ITGA6: variants seen among roughly 807,000 people sequenced by gnomAD.
The protein encoded by ITGA6 is integrin subunit alpha 6, also known as integrin alpha-6.
A neutral mutation model predicts 133.6 loss-of-function variants in ITGA6; 63 were observed. The ratio of observed to expected loss-of-function variants is 0.47; its 90% CI spans 0.38 to 0.58. The LOEUF is 0.58. ITGA6 is among the 20% of genes least tolerant of loss of function. ITGA6 has a pLI of 0.00. For synonymous variants in ITGA6, 434 were observed against 482.0 expected (o/e 0.90, Z 1.30); for missense variants, 1,068 against 1,309.4 (o/e 0.82, Z 2.85).
intron 24 of ITGA6, among the ~76,000 whole-genome samples, chr2:172,500,525 G>A (rs1357685119): frequency 6.6e-6 from 1 of 152,206 alleles, no homozygotes; most frequent in Non-Finnish European, 1.5e-5. Flanking sequence ...AGCTACTAGG[G>A]AGGCTGAGGC....
chr2:172,428,127 C>T (rs1412715824), intron 1 of ITGA6, 157 bp downstream of exon 1: 2 of 563,048 alleles, frequency 3.6e-6, no homozygotes, highest in Non-Finnish European at 5.1e-6. Flanking sequence ...GCGCTCGGCT[C>T]CCCGCCCTGA....
intron 24 of ITGA6, among the ~76,000 whole-genome samples, chr2:172,500,456 C>A (rs764705934): frequency 6.6e-6 from 1 of 152,148 alleles, no homozygotes. Context: ...CGGTGAAACC[C>A]CGCGTCTACT....
intron 24 of ITGA6, among the ~76,000 whole-genome samples, chr2:172,500,799 G>C (rs148137942): frequency 1.3e-5 from 2 of 152,212 alleles, no homozygotes; most frequent in Non-Finnish European, 2.9e-5. Context: ...GTAGCCATTA[G>C]TCATGTGTGG....
At position 172,474,941 on chromosome 2, in the gene ITGA6, A is replaced by G; in HGVS notation, c.999A>G (p.Ile333Met). Residue 333 changes from isoleucine (I) to methionine (M), a missense_variant, in exon 7 of 26, where the codon ATA becomes ATG. By Grantham distance (10) the Ile-to-Met change is conservative. Coordinates refer to ENST00000684293, the MANE Select transcript of ITGA6 (RefSeq NM_000210.4). ...VDLNKDGWQD[I>M]VIGAPQYFDR... is the part of the protein sequence containing the mutation. ...ATTATGTTTTTAGGTGGCAAGATAT[A>G]GTTATTGGAGCCCCACAGTATTTTG... is the stretch of plus-strand genomic sequence containing the variant. The G allele has an allele frequency of 6.4e-7, 1 of 1,552,986 alleles. No individual in the cohort carries two copies. The highest frequency in any genetic ancestry group is 8.9e-7 in the Non-Finnish European group (1 of 1,124,350).
intron 1 of ITGA6, among the ~76,000 whole-genome samples, chr2:172,434,677 G>A (rs748385344): frequency 1.6e-4 from 25 of 152,104 alleles, no homozygotes; most frequent in Non-Finnish European, 3.4e-4. Context: ...AAGTCACAAA[G>A]GGCAAAAACT....
At chr2:172,490,155 C>G (rs1309704422) in intron 20 of ITGA6, among the ~76,000 whole-genome samples, 1 of 152,180 alleles carries the variant, frequency 6.6e-6, no homozygotes, top group Non-Finnish European at 1.5e-5. Context: ...TTCATTTTCT[C>G]ATTTCATTCT....
At chr2:172,498,382 T>C (rs1687216679) in intron 24 of ITGA6, among the ~76,000 whole-genome samples, 1 of 152,234 alleles carries the variant, frequency 6.6e-6, no homozygotes, top group African/African-American at 2.4e-5. Context: ...TAGATTTTAT[T>C]ACTTTAGCAT....
chr2:172,432,339 C>T (rs1402222316), intron 1 of ITGA6, among the ~76,000 whole-genome samples: 7 of 152,214 alleles, frequency 4.6e-5, no homozygotes, highest in Non-Finnish European at 1.0e-4. Flanking sequence ...AAACTGTGAT[C>T]CACTATCTTT....
intron 1 of ITGA6, among the ~76,000 whole-genome samples, chr2:172,451,701 AAGAGCTGGTGGAAGAGAGG>A (rs1685011976): frequency 6.6e-6 from 1 of 152,184 alleles, no homozygotes. Context: ...GAAAAGGTCT[AAGAGCTGGTGGAAGAGAGG>A]AGCAACCAGC....
At chr2:172,443,199 A>C (rs1684613759) in intron 1 of ITGA6, among the ~76,000 whole-genome samples, 1 of 152,108 alleles carries the variant, frequency 6.6e-6, no homozygotes, top group Non-Finnish European at 1.5e-5. Flanking sequence ...ATTCTTTTGC[A>C]CCTTGCTCTT....
At chr2:172,464,294 C>A (rs1363981617) in intron 1 of ITGA6, 1 of 152,230 alleles carries the variant, frequency 6.6e-6, no homozygotes, top group Non-Finnish European at 1.5e-5. Flanking sequence ...TGGGACCCAA[C>A]AGGCATGAAG....
intron 1 of ITGA6, among the ~76,000 whole-genome samples, chr2:172,453,791 TTG>T (rs1685101424): frequency 6.6e-6 from 1 of 152,234 alleles, no homozygotes; most frequent in Non-Finnish European, 1.5e-5. Context: ...ATACTGGAGT[TTG>T]TCTTTTAATT....
At chr2:172,437,478 A>T (rs959705380) in intron 1 of ITGA6, among the ~76,000 whole-genome samples, 4 of 152,144 alleles carry the variant, frequency 2.6e-5, no homozygotes, top group African/African-American at 9.7e-5. Flanking sequence ...AAAGTTTTTG[A>T]CCTGAGCAGC....
chr2:172,438,144 G>A (rs570912071), intron 1 of ITGA6, among the ~76,000 whole-genome samples: 2 of 151,736 alleles, frequency 1.3e-5, no homozygotes, highest in African/African-American at 4.8e-5. Context: ...GTTTCGTTTT[G>A]TTTAAGATGG....
chr2:172,466,114 CAGAT>C (rs965476736), intron 2 of ITGA6: 8 of 266,216 alleles, frequency 3.0e-5, no homozygotes, highest in African/African-American at 1.6e-4. Flanking sequence ...CCTCCTGTCT[CAGAT>C]AGAGACTTGT....
rs1686934924 is a variant in ITGA6 at position 172,491,662 on chromosome 2, G to C, written c.2988+139G>C. On this transcript the variant is annotated intron_variant, in intron 23 of 25. Transcript: ENST00000684293. The surrounding 1 kb of genome is among the most constrained non-coding windows in gnomAD (Gnocchi z 4.4). ...CGGAGAAAACTGTCTTAAGGTACTG[G>C]CACTGCAAGCTGTATTTTAATAGAA... is the stretch of plus-strand genomic sequence containing the variant. 1.4e-6 allele frequency: 1 copy of C among 699,346 alleles called. No individual in the cohort carries two copies. Among genetic ancestry groups the C allele is most frequent in the Non-Finnish European group, 2.6e-6 (1 of 384,658 alleles). The allele number at this position is 699,346 out of a possible 1,614,324, so 43.3% of individuals were successfully genotyped here.
In ITGA6 at chr2:172,501,859, A is replaced by G; in HGVS notation, c.3202A>G (p.Arg1068Gly). Residue 1068 changes from arginine to glycine, a missense_variant, in exon 25 of 26, where the codon AGG (arginine) becomes GGG (glycine). Transcript: ENST00000684293. ...EIHAQPSDKE[R>G]LTSDA The stretch of plus-strand genomic sequence containing the variant: ...CCATGCTCAGCCATCTGATAAAGAG[A>G]GGCTTACTTCTGATGCATAGTATTG... The G allele has an allele frequency of 6.2e-7, 1 of 1,611,752 alleles. No homozygotes were observed. Among genetic ancestry groups the G allele is most frequent in the Non-Finnish European group, 8.5e-7 (1 of 1,178,554 alleles).
At chr2:172,449,868 C>A (rs1463635693) in intron 1 of ITGA6, among the ~76,000 whole-genome samples, 1 of 146,378 alleles carries the variant, frequency 6.8e-6, no homozygotes, top group Non-Finnish European at 1.5e-5. Flanking sequence ...TTGTAGTGAG[C>A]CGAAATCATG....
chr2:172,481,586 G>A (rs1368247302), intron 11 of ITGA6, among the ~76,000 whole-genome samples: 1 of 152,030 alleles, frequency 6.6e-6, no homozygotes, highest in African/African-American at 2.4e-5. Flanking sequence ...AGCTCAGTTA[G>A]CCTTCATCTT....
Sources: allele counts gnomAD v4.1 joint callset (sites outside exome capture counted in the v4.1 genomes callset), GRCh38; gene constraint gnomAD v4.1.1; non-coding constraint Gnocchi (gnomAD v3.1); transcripts MANE v1.5; gene names NCBI Gene and HGNC (gene_info 2026-07-23, HGNC 2026-07-21).